Variants in BRINP2 observed in about 807,000 individuals in gnomAD.
BRINP2 encodes BMP/retinoic acid inducible neural specific 2.
In BRINP2, 21 loss-of-function variants were observed where a neutral mutation model predicts 69.2. That is an observed-to-expected ratio of 0.30 (90% CI 0.22 to 0.44). BRINP2 has a LOEUF of 0.44. Among genes scored for constraint, BRINP2 ranks in the 20% least tolerant of loss-of-function variants. The probability of loss-of-function intolerance (pLI) is 1.00; values close to 1 mark genes in which losing one functional copy is unlikely to be tolerated. For synonymous variants in BRINP2, 380 were observed against 394.1 expected, an observed-to-expected ratio of 0.96 and a Z score of 0.42; for missense variants, 877 against 986.0, an observed-to-expected ratio of 0.89 and a Z score of 1.48.
chr1:177,176,962 AGTGG>A (rs1339371672), intron 1 of BRINP2, among the ~76,000 whole-genome samples: 1 of 152,166 alleles, frequency 6.6e-6, no homozygotes, highest in East Asian at 1.9e-4. Flanking sequence ...AGGACACAAT[AGTGG>A]GATCAGCTGG....
chr1:177,193,867 T>C (rs1480149126), intron 1 of BRINP2, among the ~76,000 whole-genome samples: 2 of 152,192 alleles, frequency 1.3e-5, no homozygotes, highest in African/African-American at 4.8e-5. Flanking sequence ...ATGATCTGTT[T>C]CAATCTTCTC....
At chr1:177,244,707 C>T (rs999360817) in intron 2 of BRINP2, among the ~76,000 whole-genome samples, 22 of 152,306 alleles carry the variant, frequency 1.4e-4, no homozygotes, top group Middle Eastern at 3.4e-3. Context: ...CTTTGCATCA[C>T]GCTGCTGGTC....
chr1:177,269,640 C>G (rs1651240757), intron 4 of BRINP2, among the ~76,000 whole-genome samples: 1 of 152,226 alleles, frequency 6.6e-6, no homozygotes, highest in South Asian at 2.1e-4. Flanking sequence ...GCTCTGTTCT[C>G]CCATCCCTCT....
chr1:177,205,338 G>A (rs534752850), intron 1 of BRINP2, among the ~76,000 whole-genome samples: 65 of 152,092 alleles, frequency 4.3e-4, no homozygotes, highest in African/African-American at 1.4e-3. Context: ...ACAGAGTTTC[G>A]CCACATTGGC....
chr1:177,273,664 G>T, intron 5 of BRINP2, 71 bp downstream of exon 5: 1 of 981,976 alleles, frequency 1.0e-6, no homozygotes. Flanking sequence ...AGATCAAATA[G>T]CGGGAAAAAA....
At chr1:177,201,218 G>A (rs965080557) in intron 1 of BRINP2, among the ~76,000 whole-genome samples, 1 of 152,096 alleles carries the variant, frequency 6.6e-6, no homozygotes, top group Non-Finnish European at 1.5e-5. Context: ...AACAAAACAG[G>A]TATTGAATAG....
In BRINP2 at chr1:177,281,605, T is replaced by C; in HGVS notation, c.*77T>C. ...ACAAAGATAATCTAAGCCCTCACCTTAGTGCCAACAGGGTGTGCTCCCACG... is the reference window on the plus strand; with the variant it reads ...ACAAAGATAATCTAAGCCCTCACCTCAGTGCCAACAGGGTGTGCTCCCACG... On this transcript the variant is annotated 3_prime_UTR_variant, in exon 8 of 8. Coordinates refer to ENST00000361539, the MANE Select transcript of BRINP2 (RefSeq NM_021165.4). 1 of 1,489,958 alleles carries C rather than the reference T, an allele frequency of 6.7e-7. No individual in the cohort carries two copies. Among genetic ancestry groups the C allele is most frequent in the South Asian group, 1.3e-5 (1 of 74,982 alleles). 92.3% of individuals were successfully genotyped at this position (1,489,958 alleles called of 1,614,324 possible).
At chr1:177,187,646 C>G (rs1648466811) in intron 1 of BRINP2, among the ~76,000 whole-genome samples, 1 of 152,138 alleles carries the variant, frequency 6.6e-6, no homozygotes, top group African/African-American at 2.4e-5. Flanking sequence ...GAAGGCCGCT[C>G]AACCACTCAT....
chr1:177,180,714 T>TTCTTATA (rs1648220092), intron 1 of BRINP2, among the ~76,000 whole-genome samples: 1 of 152,174 alleles, frequency 6.6e-6, no homozygotes, highest in Non-Finnish European at 1.5e-5. Context: ...CACCCACAAG[T>TTCTTATA]GTTCCCTAGG....
chr1:177,181,350 C>T (rs1345108731), intron 1 of BRINP2, among the ~76,000 whole-genome samples: 1 of 152,204 alleles, frequency 6.6e-6, no homozygotes, highest in African/African-American at 2.4e-5. Flanking sequence ...CAGCGGTCCT[C>T]CCTCGCGGGG....
chr1:177,263,690 G>C (rs1651029817), intron 4 of BRINP2, among the ~76,000 whole-genome samples: 1 of 152,138 alleles, frequency 6.6e-6, no homozygotes, highest in Admixed American at 6.5e-5. Context: ...GGTGAGATTA[G>C]GGGATTTACA....
At position 177,250,293 on chromosome 1, in the gene BRINP2, C is replaced by A. The variant is rs1208286904; in HGVS notation, c.270-5626C>A. ...TTTTTGTTTGTTTTTTGTTCTTTGG[C>A]AAATGTAGCCACTTGTGTGCATTCT... On this transcript the variant is annotated intron_variant, in intron 2 of 7. Transcript: ENST00000361539. Among the ~76,000 whole-genome samples the A allele has an allele frequency of 2.7e-5, 4 of 150,908 alleles. No individual in the cohort carries two copies. The East Asian group carries it at 7.9e-4, about 30-fold the overall frequency.
At chr1:177,206,094 G>C (rs557626068) in intron 1 of BRINP2, among the ~76,000 whole-genome samples, 1 of 152,238 alleles carries the variant, frequency 6.6e-6, no homozygotes, top group South Asian at 2.1e-4. Context: ...CCTGTGGAGC[G>C]GGCCACATGA....
At chr1:177,265,672 A>T (rs948978949) in intron 4 of BRINP2, among the ~76,000 whole-genome samples, 17 of 152,128 alleles carry the variant, frequency 1.1e-4, no homozygotes, top group South Asian at 2.1e-4. Context: ...TGCAATGGAA[A>T]GAACATAGGC....
chr1:177,235,318 C>T (rs1436767613), intron 2 of BRINP2, among the ~76,000 whole-genome samples: 2 of 152,084 alleles, frequency 1.3e-5, no homozygotes, highest in African/African-American at 4.8e-5. Context: ...AAGCACAGAA[C>T]GTGTACTGGA....
intron 4 of BRINP2, among the ~76,000 whole-genome samples, chr1:177,264,357 G>A (rs1651055974): frequency 6.6e-6 from 1 of 152,116 alleles, no homozygotes; most frequent in Non-Finnish European, 1.5e-5. Context: ...ATATCATACT[G>A]AATGGGCAAA....
Position 177,256,229 on chromosome 1 carries a change from T to C in BRINP2, c.460+120T>C, listed in dbSNP as rs184954249. The C allele has an allele frequency of 2.3e-4, 333 of 1,422,850 alleles. No individual in the cohort carries two copies. In the East Asian group the frequency reaches 7.7e-3, roughly 33 times the overall value. 88.1% of individuals were successfully genotyped at this position (1,422,850 alleles called of 1,614,324 possible). A position where few individuals can be genotyped will look rare whatever the true frequency, so the allele number is the denominator to read the frequency against. On this transcript the variant is annotated intron_variant, in intron 3 of 7. Coordinates refer to ENST00000361539, the MANE Select transcript of BRINP2 (RefSeq NM_021165.4). ...TCCGGGCCTTTTATTGCCTGAGAAGTCTTTCTGGTGCATTTGAAAACAGTG... is the reference window on the plus strand; with the variant it reads ...TCCGGGCCTTTTATTGCCTGAGAAGCCTTTCTGGTGCATTTGAAAACAGTG...
In BRINP2 at chr1:177,280,657, A is replaced by G. The variant is rs1215768578; in HGVS notation, c.1481A>G (p.Glu494Gly). ...CTGGCCCAGGGGCTGTGCCGGCCAG[A>G]GGTGGCCGAGTCCCTGGAAAACTTT... ...YVLAQGLCRP[E>G]VAESLENFLG... is the part of the protein sequence containing the mutation. The change falls in exon 8 of 8, where the codon GAG becomes GGG. Residue 494 changes from glutamate (E) to glycine (G), a missense_variant. Glu to Gly is a moderately conservative substitution (Grantham distance 98, BLOSUM62 -2). Transcript: ENST00000361539. The G allele has an allele frequency of 6.2e-7, 1 of 1,614,086 alleles. No individual in the cohort carries two copies. The highest frequency in any genetic ancestry group is 8.5e-7 in the Non-Finnish European group (1 of 1,180,042).
At chr1:177,271,144 G>GT (rs1651313632) in intron 4 of BRINP2, among the ~76,000 whole-genome samples, 1 of 152,186 alleles carries the variant, frequency 6.6e-6, no homozygotes, top group Admixed American at 6.5e-5. Flanking sequence ...TTGAATATTT[G>GT]TTAAATGAGC....
Sources: allele counts gnomAD v4.1 joint callset (sites outside exome capture counted in the v4.1 genomes callset), GRCh38; gene constraint gnomAD v4.1.1; transcripts MANE v1.5; gene names NCBI Gene and HGNC (gene_info 2026-07-23, HGNC 2026-07-21).